RPP21: variants seen among roughly 807,000 people sequenced by gnomAD.
The protein encoded by RPP21 is ribonuclease P protein subunit p21.
Under a neutral mutation model 19.0 loss-of-function variants are expected in RPP21, and 21 were observed. The observed-to-expected ratio is 1.11, with a 90% confidence interval of 0.78 to 1.59. The LOEUF is 1.59. Among genes scored for constraint, RPP21 ranks in the 40% most tolerant of loss-of-function variants. The pLI is 0.00. For missense variants in RPP21, 215 were observed against 200.2 expected (o/e 1.07, Z -0.45); for synonymous variants, 93 against 78.7 (o/e 1.18, Z -0.96).
At position 30,346,552 on chromosome 6, in the gene RPP21, A is replaced by C. The variant is rs36080244; in HGVS notation, c.362A>C (p.Gln121Pro). Residue 121 changes from glutamine to proline, a missense_variant, in exon 4 of 5, where the codon CAA becomes CCA. Gln to Pro is a moderately conservative substitution (Grantham distance 76, BLOSUM62 -1). Transcript: ENST00000442966. The surrounding 1 kb of genome is among the most constrained non-coding windows in gnomAD (Gnocchi z 4.7). ...AGGCCTGAGGCCCAGCTCGGGAGCC[A>C]AGCAGGTGAGAGGTGAGGGAGAAAA... ...GDRPEAQLGS[Q>P]ADSKPLQPLP... 2.5e-3 allele frequency: 4,058 copies of C among 1,614,122 alleles called. 82 individuals are homozygous for C. The African/African-American group carries it at 0.045, about 18-fold the overall frequency.
At chr6:30,345,441 A>G in intron 2 of RPP21, 43 bp downstream of exon 2, 8 of 1,611,076 alleles carry the variant, frequency 5.0e-6, no homozygotes, top group Non-Finnish European at 6.8e-6. Context: ...ACGCGGGAGG[A>G]ACGCGAGAGG....
At chr6:30,345,828 A>G (rs574828851) in intron 3 of RPP21, 18 of 488,508 alleles carry the variant, frequency 3.7e-5, no homozygotes, top group African/African-American at 2.8e-4. Context: ...TTAAGAGGCA[A>G]CCCCACCCAT....
chr6:30,346,583 G>A lies in RPP21; in HGVS notation c.367+26G>A, dbSNP rs752747252. On this transcript the variant is annotated intron_variant, in intron 4 of 4. Transcript: ENST00000442966. This position sits in a 1 kb window ranked among gnomAD's most constrained non-coding sequence, Gnocchi z 4.7. ...GTGAGAGGTGAGGGAGAAAATGGAG[G>A]ACACCCCAGAGGATAGGGACAATGG... is the stretch of plus-strand genomic sequence containing the variant. 2 of 1,614,098 alleles carry A rather than the reference G, an allele frequency of 1.2e-6. No homozygotes were observed. Among genetic ancestry groups the A allele is most frequent in the Non-Finnish European group, 8.5e-7 (1 of 1,180,008 alleles).
In RPP21 at chr6:30,346,300, A is replaced by G. The variant is rs1788143151; in HGVS notation, c.242-132A>G. The stretch of plus-strand genomic sequence containing the variant: ...GGAGCTTATGCCGAGGCCTGACACC[A>G]TCAAATGTGCATTCAAATTGGGGGT... On this transcript the variant is annotated intron_variant, in intron 3 of 4. Coordinates refer to ENST00000442966, the MANE Select transcript of RPP21 (RefSeq NM_024839.4). The surrounding 1 kb of genome is among the most constrained non-coding windows in gnomAD (Gnocchi z 4.7). The G allele has an allele frequency of 6.8e-7, 1 of 1,477,618 alleles. No homozygotes were observed. Among genetic ancestry groups the G allele is most frequent in the Non-Finnish European group, 9.1e-7 (1 of 1,093,162 alleles). 91.5% of individuals were successfully genotyped at this position (1,477,618 alleles called of 1,614,324 possible).
In RPP21 at chr6:30,345,182, C is replaced by A; in HGVS notation, c.11C>A (p.Pro4Gln). 4 of 1,564,838 alleles carry A rather than the reference C, an allele frequency of 2.6e-6. No homozygotes were observed. The African/African-American group carries it at 5.4e-5, about 21-fold the overall frequency. ...TGGAGCGCGGCGGTGATGGCGGGGCCGGTGAAGGACCGCGAGGCCTTCCAG... is the reference window on the plus strand; with the variant it reads ...TGGAGCGCGGCGGTGATGGCGGGGCAGGTGAAGGACCGCGAGGCCTTCCAG... The part of the protein sequence containing the change: MAG[P>Q]VKDREAFQRL... Residue 4 changes from proline to glutamine, a missense_variant, in exon 1 of 5, where the codon CCG becomes CAG. Pro to Gln is a moderately conservative substitution (Grantham distance 76). Transcript: ENST00000442966.
rs1788170062 is a variant in RPP21, at chr6:30,346,538, C to G, written c.348C>G (p.Ala116=). Residue 116 remains alanine, a synonymous_variant, in exon 4 of 5, where the codon GCC becomes GCG. Coordinates refer to ENST00000442966, the MANE Select transcript of RPP21 (RefSeq NM_024839.4). The surrounding 1 kb of genome is among the most constrained non-coding windows in gnomAD (Gnocchi z 4.7). The stretch of plus-strand genomic sequence containing the variant: ...TACTCTGGGGAGACAGGCCTGAGGC[C>G]CAGCTCGGGAGCCAAGCAGGTGAGA... The part of the protein sequence containing the change: ...GHLLWGDRPE[A]QLGSQADSKP... The G allele has an allele frequency of 6.2e-7, 1 of 1,613,910 alleles. No individual in the cohort carries two copies. Among genetic ancestry groups the G allele is most frequent in the African/African-American group, 1.3e-5 (1 of 74,864 alleles).
At chr6:30,345,774 GT>G (rs1181345983) in intron 3 of RPP21, 7,903 of 442,640 alleles carry the variant, frequency 0.018, no homozygotes, top group Non-Finnish European at 0.022. Context: ...GGGCTCGGCT[GT>G]TTTTTTTTTT....
rs1331645270 is a variant in RPP21, at chr6:30,346,253, T to TA, written c.242-176dup. 1.4e-5 allele frequency: 16 copies of TA among 1,115,788 alleles called. No individual in the cohort carries two copies. Among genetic ancestry groups the TA allele is most frequent in the Non-Finnish European group, 1.7e-5 (14 of 805,204 alleles). 69.1% of individuals were successfully genotyped at this position (1,115,788 alleles called of 1,614,324 possible). ...TTGTTAGGGAGTTTGAACTTTATCT[T>TA]AAAGAGTTCCAGGAAATCGATGGAG... On this transcript the variant is annotated intron_variant, in intron 3 of 4. Transcript: ENST00000442966. The surrounding 1 kb of genome is among the most constrained non-coding windows in gnomAD (Gnocchi z 4.7).
rs1335930540 is a variant in RPP21, at chr6:30,345,519, C to T, written c.187C>T (p.Arg63Ter). The T allele has an allele frequency of 1.6e-5, 26 of 1,598,758 alleles. No individual in the cohort carries two copies. The highest frequency in any genetic ancestry group is 2.2e-5 in the Non-Finnish European group (26 of 1,172,452). The change falls in exon 3 of 5, where the codon CGA becomes TGA. Residue 63 changes from arginine (R) to a stop codon, truncating the protein, a stop_gained. Transcript: ENST00000442966. LOFTEE classifies it high-confidence loss of function. ...RDPSVKRTLC[R>*]GCSSLLVPGL... ...TCCCTCGGTGAAGAGGACTCTCTGT[C>T]GAGGCTGCTCTTCCCTCCTCGTCCC...
At chr6:30,345,774 G>GT (rs1181345983) in intron 3 of RPP21, 58,059 of 433,898 alleles carry the variant, frequency 0.13, no homozygotes, top group Non-Finnish European at 0.16. Context: ...GGGCTCGGCT[G>GT]TTTTTTTTTT....
rs1484924174 is a variant in RPP21 at position 30,346,435 on chromosome 6, G to T, written c.245G>T (p.Cys82Phe). ...CTTTTTCCCATGTTCACCCTAGGCTGCAGGGGACAGCGCTGGACCGTACAG... is the reference window on the plus strand; with the variant it reads ...CTTTTTCCCATGTTCACCCTAGGCTTCAGGGGACAGCGCTGGACCGTACAG... ...GLTCTQRQRR[C>F]RGQRWTVQTC... Residue 82 changes from cysteine (C) to phenylalanine (F), a missense_variant, in exon 4 of 5, where the codon TGC becomes TTC. Physicochemically the swap from Cys to Phe is radical, Grantham distance 205. Coordinates refer to ENST00000442966, the MANE Select transcript of RPP21 (RefSeq NM_024839.4). This position sits in a 1 kb window ranked among gnomAD's most constrained non-coding sequence, Gnocchi z 4.7. 1 of 1,613,662 alleles carries T rather than the reference G, an allele frequency of 6.2e-7. No homozygotes were observed. The highest frequency in any genetic ancestry group is 8.5e-7 in the Non-Finnish European group (1 of 1,179,672).
chr6:30,345,220 C>T lies in RPP21; in HGVS notation c.49C>T (p.Leu17=), dbSNP rs1219391530. 26 of 1,603,600 alleles carry T rather than the reference C, an allele frequency of 1.6e-5. No homozygotes were observed. The highest frequency in any genetic ancestry group is 2.1e-5 in the Non-Finnish European group (25 of 1,175,236). The change falls in exon 1 of 5, where the codon CTG becomes TTG. Residue 17 remains leucine, a synonymous_variant. Coordinates refer to ENST00000442966, the MANE Select transcript of RPP21 (RefSeq NM_024839.4). ...CGAGGCCTTCCAGAGGCTCAACTTC[C>T]TGTACCAGGTGAGTCTGCGACAAGG... ...DREAFQRLNF[L]YQAAHCVLAQ...
chr6:30,346,508 G>T lies in RPP21; in HGVS notation c.318G>T (p.Gly106=), dbSNP rs1261860683. The change falls in exon 4 of 5, where the codon GGG becomes GGT. Residue 106 remains glycine (G), a synonymous_variant. Coordinates refer to ENST00000442966, the MANE Select transcript of RPP21 (RefSeq NM_024839.4). This position sits in a 1 kb window ranked among gnomAD's most constrained non-coding sequence, Gnocchi z 4.7. The stretch of plus-strand genomic sequence containing the variant: ...GCCAACGCTTCCTCAATGATCCCGG[G>T]CATTTACTCTGGGGAGACAGGCCTG... ...QRSQRFLNDP[G]HLLWGDRPEA... The T allele has an allele frequency of 3.1e-6, 5 of 1,613,968 alleles. No individual in the cohort carries two copies. The highest frequency in any genetic ancestry group is 1.7e-6 in the Non-Finnish European group (2 of 1,180,030).
Position 30,345,222 on chromosome 6 carries a change from G to C in RPP21, c.51G>C (p.Leu17=), listed in dbSNP as rs1562434815. 3 of 1,604,540 alleles carry C rather than the reference G, an allele frequency of 1.9e-6. No individual in the cohort carries two copies. The highest frequency in any genetic ancestry group is 2.6e-6 in the Non-Finnish European group (3 of 1,175,708). ...AGGCCTTCCAGAGGCTCAACTTCCT[G>C]TACCAGGTGAGTCTGCGACAAGGGC... ...DREAFQRLNF[L]YQAAHCVLAQ... is the part of the protein sequence containing the mutation. The change falls in exon 1 of 5, where the codon CTG becomes CTC. Residue 17 remains leucine, a synonymous_variant. Coordinates refer to ENST00000442966, the MANE Select transcript of RPP21 (RefSeq NM_024839.4).
intron 2 of RPP21, 23 bp downstream of exon 2, chr6:30,345,421 G>A: frequency 6.2e-7 from 1 of 1,611,596 alleles, no homozygotes; most frequent in African/African-American, 1.3e-5. Flanking sequence ...CGGGGCGGGC[G>A]GCGGGCGGGA....
In RPP21 at chr6:30,346,547, G is replaced by A; in HGVS notation, c.357G>A (p.Gly119=). Residue 119 remains glycine, a synonymous_variant, in exon 4 of 5, where the codon GGG becomes GGA. Transcript: ENST00000442966. This position sits in a 1 kb window ranked among gnomAD's most constrained non-coding sequence, Gnocchi z 4.7. The part of the protein sequence containing the change: ...LWGDRPEAQL[G]SQADSKPLQP... ...GAGACAGGCCTGAGGCCCAGCTCGGGAGCCAAGCAGGTGAGAGGTGAGGGA... is the reference window on the plus strand; with the variant it reads ...GAGACAGGCCTGAGGCCCAGCTCGGAAGCCAAGCAGGTGAGAGGTGAGGGA... 3 of 1,614,106 alleles carry A rather than the reference G, an allele frequency of 1.9e-6. No homozygotes were observed. Among genetic ancestry groups the A allele is most frequent in the Non-Finnish European group, 1.7e-6 (2 of 1,180,022 alleles).
Position 30,345,346 on chromosome 6 carries a change from A to G in RPP21, c.106A>G (p.Arg36Gly). The change falls in exon 2 of 5, where the codon AGG becomes GGG. Residue 36 changes from arginine (R) to glycine (G), a missense_variant. Physicochemically the swap from Arg to Gly is moderately radical, Grantham distance 125. Transcript: ENST00000442966. ...GGACCCCGAGAACCAGGCGCTGGCG[A>G]GGTTTTACTGCTACACTGAGAGGAC... The part of the protein sequence containing the change: ...AQDPENQALA[R>G]FYCYTERTIA... 1 of 1,613,126 alleles carries G rather than the reference A, an allele frequency of 6.2e-7. No individual in the cohort carries two copies. The highest frequency in any genetic ancestry group is 8.5e-7 in the Non-Finnish European group (1 of 1,179,850).
In RPP21 at chr6:30,346,538, C is replaced by T; in HGVS notation, c.348C>T (p.Ala116=). The change falls in exon 4 of 5, where the codon GCC becomes GCT. Residue 116 remains alanine, a synonymous_variant. Coordinates refer to ENST00000442966, the MANE Select transcript of RPP21 (RefSeq NM_024839.4). The surrounding 1 kb of genome is among the most constrained non-coding windows in gnomAD (Gnocchi z 4.7). The part of the protein sequence containing the change: ...GHLLWGDRPE[A]QLGSQADSKP... ...TACTCTGGGGAGACAGGCCTGAGGCCCAGCTCGGGAGCCAAGCAGGTGAGA... is the reference window on the plus strand; with the variant it reads ...TACTCTGGGGAGACAGGCCTGAGGCTCAGCTCGGGAGCCAAGCAGGTGAGA... The T allele has an allele frequency of 6.2e-7, 1 of 1,614,028 alleles. No individual in the cohort carries two copies. Among genetic ancestry groups the T allele is most frequent in the African/African-American group, 1.3e-5 (1 of 74,986 alleles).
Position 30,345,673 on chromosome 6 carries a change from T to C in RPP21, c.241+100T>C, listed in dbSNP as rs990093159. The C allele has an allele frequency of 1.5e-5, 19 of 1,285,116 alleles. No homozygotes were observed. The African/African-American group carries it at 2.0e-4, about 13-fold the overall frequency. The allele number at this position is 1,285,116 out of a possible 1,614,324, so 79.6% of individuals were successfully genotyped here. A position where few individuals can be genotyped will look rare whatever the true frequency, so the allele number is the denominator to read the frequency against. ...TGGAGGCCAACAGCGCCTTTCTCAC[T>C]GTAGATGGATGTTGGGTGTGGGATT... On this transcript the variant is annotated intron_variant, in intron 3 of 4. Coordinates refer to ENST00000442966, the MANE Select transcript of RPP21 (RefSeq NM_024839.4).
Sources: gnomAD v4.1 joint callset for allele counts on GRCh38, gnomAD v4.1.1 for gene constraint, Gnocchi (gnomAD v3.1) non-coding constraint, MANE v1.5 for transcripts, NCBI Gene and HGNC (gene_info 2026-07-23, HGNC 2026-07-21) for gene names.